The following RASGEF1C variants were observed in gnomAD, a reference collection of about 807,000 sequenced individuals.
RASGEF1C encodes ras-GEF domain-containing family member 1C.
In RASGEF1C, 27 loss-of-function variants were observed where a neutral mutation model predicts 58.1. The ratio of observed to expected loss-of-function variants is 0.46; its 90% CI spans 0.34 to 0.64. The LOEUF (loss-of-function observed/expected upper bound fraction) is 0.64, where lower values mean the gene tolerates loss of function less well. Ranked by LOEUF, RASGEF1C falls within the 30% of genes least tolerant of loss-of-function variation. RASGEF1C has a pLI of 0.01. For synonymous variants in RASGEF1C, 243 were observed against 246.3 expected (o/e 0.99, Z 0.13); for missense variants, 502 against 605.1 (o/e 0.83, Z 1.79).
chr5:180,204,912 G>A (rs180726409), intron 1 of RASGEF1C, among the ~76,000 whole-genome samples: 3 of 152,248 alleles, frequency 2.0e-5, no homozygotes, highest in East Asian at 3.9e-4. Context: ...ACAACAGGCC[G>A]GTAATGGTGG....
chr5:180,136,344 C>A, intron 4 of RASGEF1C, 34 bp downstream of exon 4: 1 of 1,540,418 alleles, frequency 6.5e-7, no homozygotes, highest in South Asian at 1.2e-5. Context: ...ACGGGAGGGA[C>A]CCAGGGTGAC....
At chr5:180,131,166 T>C (rs1299354690) in intron 4 of RASGEF1C, among the ~76,000 whole-genome samples, 5 of 152,146 alleles carry the variant, frequency 3.3e-5, no homozygotes, top group Non-Finnish European at 5.9e-5. Context: ...CAGAGGTCTG[T>C]TCAAAATGCA....
Position 180,156,473 on chromosome 5 carries a change from C to T in RASGEF1C, c.-6-18415G>A, listed in dbSNP as rs907636784. On this transcript the variant is annotated intron_variant, in intron 1 of 13. Transcript: ENST00000361132. This position sits in a 1 kb window ranked among gnomAD's most constrained non-coding sequence, Gnocchi z 4.9. ...GACCTCTGTGATAAAGAACTGTTATCGAAAATATATAAAGGGCCAGGCATG... is the reference window on the plus strand; with the variant it reads ...GACCTCTGTGATAAAGAACTGTTATTGAAAATATATAAAGGGCCAGGCATG... 7.2e-5 allele frequency among the ~76,000 whole-genome samples: 11 copies of T among 152,220 alleles called. No individual in the cohort carries two copies. Among genetic ancestry groups the T allele is most frequent in the African/African-American group, 2.6e-4 (11 of 41,546 alleles).
At chr5:180,132,486 GGCTGATGTCCTCCT>G (rs1192626435) in intron 4 of RASGEF1C, among the ~76,000 whole-genome samples, 1 of 152,204 alleles carries the variant, frequency 6.6e-6, no homozygotes, top group African/African-American at 2.4e-5. Flanking sequence ...GCCAGCCTAG[GGCTGATGTCCTCCT>G]GCCTACTGAA....
chr5:180,130,096 C>T (rs1384029727), intron 4 of RASGEF1C, among the ~76,000 whole-genome samples: 2 of 152,236 alleles, frequency 1.3e-5, no homozygotes, highest in East Asian at 1.9e-4. Flanking sequence ...AGCACAGCGG[C>T]GGCAGCACAG....
chr5:180,176,240 G>A (rs1314644367), intron 1 of RASGEF1C, among the ~76,000 whole-genome samples: 1 of 152,178 alleles, frequency 6.6e-6, no homozygotes, highest in Non-Finnish European at 1.5e-5. Context: ...GGAGGCAGGG[G>A]CCCCAGCCCC....
chr5:180,148,168 C>T (rs1335199510), intron 1 of RASGEF1C, among the ~76,000 whole-genome samples: 1 of 152,100 alleles, frequency 6.6e-6, no homozygotes, highest in East Asian at 1.9e-4. Flanking sequence ...TGCTCCCACT[C>T]TCTTTTTGTT....
intron 1 of RASGEF1C, among the ~76,000 whole-genome samples, chr5:180,200,221 G>C (rs1756360029): frequency 6.6e-6 from 1 of 151,064 alleles, no homozygotes; most frequent in Non-Finnish European, 1.5e-5. Context: ...AGCTGAGATT[G>C]TGCCACTGCA....
intron 1 of RASGEF1C, among the ~76,000 whole-genome samples, chr5:180,162,169 G>A (rs1254046324): frequency 3.3e-5 from 5 of 152,196 alleles, no homozygotes; most frequent in African/African-American, 1.2e-4. Context: ...ACTGTCTGAA[G>A]CCACCAGCTC....
intron 1 of RASGEF1C, among the ~76,000 whole-genome samples, chr5:180,180,310 G>A (rs886290107): frequency 2.0e-5 from 3 of 152,308 alleles, no homozygotes; most frequent in African/African-American, 4.8e-5. Context: ...TGGCCTGGCC[G>A]CTGCTGTCAG....
At chr5:180,186,571 C>T (rs760804918) in intron 1 of RASGEF1C, among the ~76,000 whole-genome samples, 11 of 152,138 alleles carry the variant, frequency 7.2e-5, no homozygotes, top group Non-Finnish European at 1.6e-4. Flanking sequence ...TTCATGGGTT[C>T]TAAGATTTAA....
intron 10 of RASGEF1C, among the ~76,000 whole-genome samples, chr5:180,115,641 G>C (rs976872148): frequency 1.3e-5 from 2 of 152,142 alleles, no homozygotes; most frequent in African/African-American, 4.8e-5. Context: ...TCAAGCCTGC[G>C]TGCCTCACTG....
At chr5:180,160,235 T>C (rs750393716) in intron 1 of RASGEF1C, among the ~76,000 whole-genome samples, 1 of 152,198 alleles carries the variant, frequency 6.6e-6, no homozygotes, top group African/African-American at 2.4e-5. Flanking sequence ...CATTTGGCTC[T>C]TTCTGGACCT....
At position 180,168,229 on chromosome 5, in the gene RASGEF1C, G is replaced by A. The variant is rs1581117012; in HGVS notation, c.-6-30171C>T. On this transcript the variant is annotated intron_variant, in intron 1 of 13. Transcript: ENST00000361132. The surrounding 1 kb of genome is among the most constrained non-coding windows in gnomAD (Gnocchi z 6.0). ...GCAGATCACCTGAGGTCAGGAGTTC[G>A]AGACCAGCCTGATCAACATGGAGAA... Among the ~76,000 whole-genome samples the A allele has an allele frequency of 1.3e-5, 2 of 152,060 alleles. No individual in the cohort carries two copies. The highest frequency in any genetic ancestry group is 2.4e-5 in the African/African-American group (1 of 41,388).
At chr5:180,141,194 G>A (rs890532954) in intron 1 of RASGEF1C, among the ~76,000 whole-genome samples, 3 of 152,338 alleles carry the variant, frequency 2.0e-5, no homozygotes, top group East Asian at 1.9e-4. Flanking sequence ...CTAACAATGC[G>A]TTTTGAGGAC....
chr5:180,117,746 C>A (rs1766092849), intron 10 of RASGEF1C, among the ~76,000 whole-genome samples: 1 of 152,170 alleles, frequency 6.6e-6, no homozygotes. Context: ...GTAATCCCAG[C>A]ACTTTGGGAG....
chr5:180,123,766 CA>C (rs535611710), intron 6 of RASGEF1C, among the ~76,000 whole-genome samples: 79 of 152,010 alleles, frequency 5.2e-4, no homozygotes, highest in African/African-American at 1.8e-3. Flanking sequence ...TCAACAAAGT[CA>C]AAAGATCTTT....
intron 1 of RASGEF1C, among the ~76,000 whole-genome samples, chr5:180,171,686 G>A (rs1428234751): frequency 6.6e-6 from 1 of 152,220 alleles, no homozygotes; most frequent in Non-Finnish European, 1.5e-5. Context: ...CTGTCTCCAA[G>A]TGATGGCGTG....
At chr5:180,115,200 AGACGGGG>A (rs571072647) in intron 10 of RASGEF1C, 42 of 371,028 alleles carry the variant, frequency 1.1e-4, no homozygotes, top group African/African-American at 7.7e-4. Context: ...TTTTTAGTAG[AGACGGGG>A]GTTTCACCAT....
Sources: gnomAD v4.1 joint callset for allele counts (sites outside exome capture counted in the v4.1 genomes callset) on GRCh38, gnomAD v4.1.1 for gene constraint, Gnocchi (gnomAD v3.1) non-coding constraint, MANE v1.5 for transcripts, NCBI Gene and HGNC (gene_info 2026-07-23, HGNC 2026-07-21) for gene names.